The following ATP11A variants were observed in gnomAD, a reference collection of about 807,000 sequenced individuals.
ATP11A encodes phospholipid-transporting ATPase IH.
Under a neutral mutation model 154.4 loss-of-function variants are expected in ATP11A, and 81 were observed. That is an observed-to-expected ratio of 0.52 (90% CI 0.44 to 0.63). ATP11A has a LOEUF of 0.63. Among genes scored for constraint, ATP11A ranks in the 30% least tolerant of loss-of-function variants. The pLI is 0.00. For synonymous variants in ATP11A, 623 were observed against 585.9 expected (o/e 1.06, Z -0.91); for missense variants, 1,316 against 1,474.3 (o/e 0.89, Z 1.76).
At chr13:112,862,009 C>CAGCAGGCGTAAGGTGTCAT (rs2080119512) in intron 24 of ATP11A, among the ~76,000 whole-genome samples, 1 of 152,134 alleles carries the variant, frequency 6.6e-6, no homozygotes, top group Non-Finnish European at 1.5e-5. Flanking sequence ...TAAGGTGTCA[C>CAGCAGGCGTAAGGTGTCAT]AGCAGGCGTA....
At chr13:112,809,566 T>C (rs994813312) in intron 4 of ATP11A, among the ~76,000 whole-genome samples, 3 of 151,800 alleles carry the variant, frequency 2.0e-5, no homozygotes, top group Non-Finnish European at 2.9e-5. Context: ...ACACATGCAG[T>C]GGGCCCGTGG....
At chr13:112,861,362 G>A (rs1040179865) in intron 24 of ATP11A, among the ~76,000 whole-genome samples, 4 of 152,198 alleles carry the variant, frequency 2.6e-5, no homozygotes, top group Non-Finnish European at 4.4e-5. Flanking sequence ...AATAGATTCT[G>A]TGGGCCCTGA....
rs569062095 is a variant in ATP11A at position 112,781,433 on chromosome 13, C to A, written c.40-3702C>A. ...GTTCAGAAGTTACACGATTGAGGCT[C>A]CTGAGTTTGTTTTCGTTGCTAACTG... On this transcript the variant is annotated intron_variant, in intron 1 of 29. Coordinates refer to ENST00000375645, the MANE Select transcript of ATP11A (RefSeq NM_015205.3). Among the ~76,000 whole-genome samples, 54 of 152,304 alleles carry A rather than the reference C, an allele frequency of 3.5e-4. 1 individual carries two copies. In the South Asian group the frequency reaches 5.0e-3, roughly 14 times the overall value.
intron 1 of ATP11A, among the ~76,000 whole-genome samples, chr13:112,783,928 A>G (rs750559488): frequency 1.3e-5 from 2 of 152,196 alleles, no homozygotes; most frequent in African/African-American, 2.4e-5. Context: ...TCAGCTTTGC[A>G]GGAGAGCCTT....
At chr13:112,835,504 C>T (rs1196391812) in intron 15 of ATP11A, among the ~76,000 whole-genome samples, 1 of 152,204 alleles carries the variant, frequency 6.6e-6, no homozygotes, top group Admixed American at 6.5e-5. Flanking sequence ...AACTCACTGC[C>T]GTTGAGGCTC....
chr13:112,860,445 G>A (rs2080068869), intron 24 of ATP11A, 31 bp downstream of exon 24: 1 of 1,612,876 alleles, frequency 6.2e-7, no homozygotes, highest in Non-Finnish European at 8.5e-7. Context: ...TCTCCTGAGA[G>A]CAGAGAGAGT....
In ATP11A at chr13:112,855,963, T is replaced by C; in HGVS notation, c.2296T>C (p.Ser766Pro). 1 of 1,614,182 alleles carries C rather than the reference T, an allele frequency of 6.2e-7. No homozygotes were observed. Among genetic ancestry groups the C allele is most frequent in the Non-Finnish European group, 8.5e-7 (1 of 1,180,006 alleles). Residue 766 changes from serine to proline, a missense_variant, in exon 20 of 30, where the codon TCT becomes CCT. Ser to Pro is a moderately conservative substitution (Grantham distance 74). Around this residue, in one of 5 missense-constraint regions of ATP11A, gnomAD observed 876 missense variants for 1,006.8 expected, o/e 0.87. Coordinates refer to ENST00000375645, the MANE Select transcript of ATP11A (RefSeq NM_015205.3). The part of the protein sequence containing the change: ...YGLIIDGAAL[S>P]LIMKPREDGS... Reference sequence around the variant, plus strand: ...TTTAATTATCGACGGAGCTGCACTGTCTCTGATAATGAAGCCTCGAGAAGA... The same window carrying C: ...TTTAATTATCGACGGAGCTGCACTGCCTCTGATAATGAAGCCTCGAGAAGA...
chr13:112,844,257 T>C (rs1171765454), intron 17 of ATP11A, among the ~76,000 whole-genome samples: 1 of 152,232 alleles, frequency 6.6e-6, no homozygotes, highest in Non-Finnish European at 1.5e-5. Context: ...CCACTGCTGC[T>C]GCCCAGGAGA....
chr13:112,738,427 G>T (rs560543389), intron 1 of ATP11A, among the ~76,000 whole-genome samples: 1 of 152,264 alleles, frequency 6.6e-6, no homozygotes, highest in African/African-American at 2.4e-5. Flanking sequence ...ACTCAGAAAA[G>T]TATTTACCCC....
chr13:112,771,834 A>G (rs751248512), intron 1 of ATP11A, among the ~76,000 whole-genome samples: 2 of 152,240 alleles, frequency 1.3e-5, no homozygotes, highest in Non-Finnish European at 2.9e-5. Context: ...TCCACAACAA[A>G]CAAAGTAACA....
In ATP11A at chr13:112,838,024, G is replaced by C. The variant is rs905856064; in HGVS notation, c.1705+1773G>C. 6.6e-6 allele frequency among the ~76,000 whole-genome samples: 1 copy of C among 152,146 alleles called. No homozygotes were observed. Among genetic ancestry groups the C allele is most frequent in the East Asian group, 1.9e-4 (1 of 5,194 alleles). ...CTCTGAGACACGCCATCAAATGTGGGATGAATCCAGGCTCCACAGTGAGAT... is the reference window on the plus strand; with the variant it reads ...CTCTGAGACACGCCATCAAATGTGGCATGAATCCAGGCTCCACAGTGAGAT... On this transcript the variant is annotated intron_variant, in intron 16 of 29. Transcript: ENST00000375645. This position sits in a 1 kb window ranked among gnomAD's most constrained non-coding sequence, Gnocchi z 7.3.
chr13:112,862,447 G>A lies in ATP11A; in HGVS notation c.2863G>A (p.Ala955Thr), dbSNP rs145335126. Residue 955 changes from alanine (A) to threonine (T), a missense_variant, in exon 25 of 30, where the codon GCC becomes ACC. Transcript: ENST00000375645. ...KRDPTLYRDV[A>T]KNALLRWRVF... Reference sequence around the variant, plus strand: ...CACCTTTCTCCTCACCAGGGACGTCGCCAAGAATGCCCTGCTGCGCTGGCG... The same window carrying A: ...CACCTTTCTCCTCACCAGGGACGTCACCAAGAATGCCCTGCTGCGCTGGCG... The A allele has an allele frequency of 1.3e-4, 210 of 1,613,678 alleles. No individual in the cohort carries two copies. Among genetic ancestry groups the A allele is most frequent in the Middle Eastern group, 6.9e-4 (4 of 5,764 alleles).
chr13:112,794,695 C>T (rs970190396), intron 2 of ATP11A, among the ~76,000 whole-genome samples: 2 of 152,034 alleles, frequency 1.3e-5, no homozygotes, highest in African/African-American at 2.4e-5. Flanking sequence ...TGGTGAAATC[C>T]TGTCTCTACC....
chr13:112,795,223 C>T (rs550157110), intron 2 of ATP11A, among the ~76,000 whole-genome samples: 5 of 152,176 alleles, frequency 3.3e-5, no homozygotes, highest in East Asian at 1.9e-4. Context: ...CCAGCCTGGG[C>T]GACAGAGTGA....
At chr13:112,768,730 G>A (rs971935398) in intron 1 of ATP11A, among the ~76,000 whole-genome samples, 8 of 152,150 alleles carry the variant, frequency 5.3e-5, no homozygotes, top group South Asian at 2.1e-4. Flanking sequence ...GGACTCAGTC[G>A]TGGGGAATAA....
rs1401545525 is a variant in ATP11A at position 112,854,504 on chromosome 13, G to C, written c.2217G>C (p.Gly739=). ...ELSKTVLRHS[G]SLTRDNLSGL... ...GCAAGACGGTCCTGCGCCACAGCGG[G>C]AGCCTGACCAGAGACAACCTGTCCG... Residue 739 remains glycine (G), a synonymous_variant, in exon 19 of 30, where the codon GGG becomes GGC. Coordinates refer to ENST00000375645, the MANE Select transcript of ATP11A (RefSeq NM_015205.3). 2 of 1,611,158 alleles carry C rather than the reference G, an allele frequency of 1.2e-6. No homozygotes were observed. The highest frequency in any genetic ancestry group is 1.1e-5 in the South Asian group (1 of 91,066).
In ATP11A at chr13:112,882,931, C is replaced by A; in HGVS notation, c.*1065C>A. Reference sequence around the variant, plus strand: ...GTGGCACACAGGACACGGGTGGATCCCAACAGGCAGCACCGCACCTCTGCC... The same window carrying A: ...GTGGCACACAGGACACGGGTGGATCACAACAGGCAGCACCGCACCTCTGCC... On this transcript the variant is annotated 3_prime_UTR_variant, in exon 30 of 30. Transcript: ENST00000375645. The surrounding 1 kb of genome is among the most constrained non-coding windows in gnomAD (Gnocchi z 5.1). 3 of 399,054 alleles carry A rather than the reference C, an allele frequency of 7.5e-6. No individual in the cohort carries two copies. Among genetic ancestry groups the A allele is most frequent in the Non-Finnish European group, 1.3e-5 (3 of 226,434 alleles). The allele number at this position is 399,054 out of a possible 1,614,324, so 24.7% of individuals were successfully genotyped here.
chr13:112,845,292 CA>C (rs1272133319), intron 17 of ATP11A, among the ~76,000 whole-genome samples: 9 of 121,034 alleles, frequency 7.4e-5, no homozygotes, highest in African/African-American at 2.9e-4. Context: ...GTCCAGTTGC[CA>C]GGCACTAGTG....
intron 25 of ATP11A, among the ~76,000 whole-genome samples, chr13:112,864,997 G>A (rs1448547461): frequency 7.1e-5 from 10 of 140,806 alleles, no homozygotes; most frequent in African/African-American, 1.6e-4. Flanking sequence ...AGTGCAGCCC[G>A]CGCAGCTTCC....
Sources: allele counts gnomAD v4.1 joint callset (sites outside exome capture counted in the v4.1 genomes callset), GRCh38; gene constraint gnomAD v4.1.1; regional missense constraint gnomAD v4.1.1; non-coding constraint Gnocchi (gnomAD v3.1); transcripts MANE v1.5; gene names NCBI Gene and HGNC (gene_info 2026-07-23, HGNC 2026-07-21).